Variants in PDE3B observed in about 807,000 individuals in gnomAD.
PDE3B encodes the protein cGMP-inhibited 3',5'-cyclic phosphodiesterase 3B.
PDE3B carries 66 observed loss-of-function variants against 116.8 expected under a neutral mutation model. The ratio of observed to expected loss-of-function variants is 0.56; its 90% CI spans 0.46 to 0.69. The LOEUF is 0.69. Ranked by LOEUF, PDE3B falls within the 30% of genes least tolerant of loss-of-function variation. The probability of loss-of-function intolerance (pLI) is 0.00; values close to 1 mark genes in which losing one functional copy is unlikely to be tolerated. For synonymous variants in PDE3B, 595 were observed against 533.6 expected, an observed-to-expected ratio of 1.12 and a Z score of -1.59; for missense variants, 1,384 against 1,368.1, an observed-to-expected ratio of 1.01 and a Z score of -0.18.
chr11:14,706,979 G>C (rs1205386907), intron 1 of PDE3B, among the ~76,000 whole-genome samples: 2 of 151,748 alleles, frequency 1.3e-5, no homozygotes, highest in Non-Finnish European at 2.9e-5. Flanking sequence ...CAGGTGCTGG[G>C]GATATAACAG....
In PDE3B at chr11:14,644,084, G is replaced by T; in HGVS notation, c.9G>T (p.Arg3Ser). 1.3e-6 allele frequency: 2 copies of T among 1,547,902 alleles called. No homozygotes were observed. Among genetic ancestry groups the T allele is most frequent in the East Asian group, 2.4e-5 (1 of 41,820 alleles). The change falls in exon 1 of 16, where the codon AGG becomes AGT. Residue 3 changes from arginine to serine, a missense_variant. Arg to Ser is a moderately radical substitution (Grantham distance 110). This residue lies in a region of PDE3B where 956 missense variants were observed against 806.8 expected (regional missense o/e 1.18). Transcript: ENST00000282096. MR[R>S]DERDAKAMRS... ...CACCCCCGGCCCCAGCCATGAGGAG[G>T]GACGAGCGAGACGCCAAAGCCATGC...
intron 1 of PDE3B, among the ~76,000 whole-genome samples, chr11:14,674,925 T>C (rs1414484340): frequency 1.3e-5 from 2 of 152,182 alleles, no homozygotes. Flanking sequence ...TACTAATTTT[T>C]TTATTATTTT....
intron 11 of PDE3B, 144 bp downstream of exon 11, chr11:14,835,239 T>C (rs746632306): frequency 1.3e-5 from 7 of 534,274 alleles, no homozygotes; most frequent in Non-Finnish European, 2.3e-5. Flanking sequence ...TTTTAACCAC[T>C]TATCCCCAAG....
intron 1 of PDE3B, among the ~76,000 whole-genome samples, chr11:14,719,026 A>G (rs1220260888): frequency 2.6e-5 from 3 of 117,436 alleles, no homozygotes; most frequent in South Asian, 3.4e-4. Flanking sequence ...GACTGCTAGC[A>G]AGACTAATAA....
intron 12 of PDE3B, among the ~76,000 whole-genome samples, chr11:14,858,709 G>C (rs1847892968): frequency 6.6e-6 from 1 of 152,144 alleles, no homozygotes; most frequent in Non-Finnish European, 1.5e-5. Context: ...ATCTGAGAAG[G>C]TTTTCTGATT....
At chr11:14,879,201 T>G in the PDE3B span, 1 of 1,613,308 alleles carries the variant, frequency 6.2e-7, no homozygotes, top group Non-Finnish European at 8.5e-7. Flanking sequence ...TCTGGGTCTC[T>G]CCAGTACTTT....
chr11:14,876,012 G>C (rs551646699), downstream of PDE3B, among the ~76,000 whole-genome samples: 1 of 152,102 alleles, frequency 6.6e-6, no homozygotes, highest in Admixed American at 6.6e-5. Context: ...CAGCAGTAGT[G>C]GTGTACTCAA....
chr11:14,803,440 C>T (rs905152373), intron 4 of PDE3B, among the ~76,000 whole-genome samples: 2 of 152,180 alleles, frequency 1.3e-5, no homozygotes, highest in African/African-American at 4.8e-5. Flanking sequence ...AGTGAGGTCA[C>T]TGGATCAGAA....
At chr11:14,685,159 G>A (rs373245487) in intron 1 of PDE3B, among the ~76,000 whole-genome samples, 2 of 152,222 alleles carry the variant, frequency 1.3e-5, no homozygotes, top group African/African-American at 2.4e-5. Flanking sequence ...AGTAAAGACA[G>A]GCGTAAGAAA....
At position 14,868,794 on chromosome 11, in the gene PDE3B, A is replaced by T. The variant is rs2088266; in HGVS notation, c.3140-667A>T. ...AAAATGTATTTAAAATTCTTTTTTT[A>T]AAAAAATGGCATTAGCATCTGAAGG... On this transcript the variant is annotated intron_variant, in intron 15 of 15. Transcript: ENST00000282096. Among the ~76,000 whole-genome samples the T allele has an allele frequency of 4.7e-3, 715 of 152,126 alleles. 4 individuals carry two copies. Among genetic ancestry groups the T allele is most frequent in the African/African-American group, 0.016 (652 of 41,512 alleles).
chr11:14,850,970 C>G (rs1590194030), intron 12 of PDE3B, among the ~76,000 whole-genome samples: 1 of 151,234 alleles, frequency 6.6e-6, no homozygotes, highest in African/African-American at 2.4e-5. Context: ...CTGGGACTAC[C>G]ACACCCAGCT....
Position 14,869,849 on chromosome 11 carries a change from A to C in PDE3B, c.*189A>C. On this transcript the variant is annotated 3_prime_UTR_variant, in exon 16 of 16. Transcript: ENST00000282096. ...ACTCCTATGCACTTTCACAGGAACT[A>C]GAAAACTATTCTTAAACCAAAAATA... The C allele has an allele frequency of 1.9e-6, 1 of 532,596 alleles. No individual in the cohort carries two copies. Among genetic ancestry groups the C allele is most frequent in the Non-Finnish European group, 3.3e-6 (1 of 303,790 alleles). The allele number at this position is 532,596 out of a possible 1,614,324, so 33.0% of individuals were successfully genotyped here. A position where few individuals can be genotyped will look rare whatever the true frequency, so the allele number is the denominator to read the frequency against.
rs377197404 is a variant in PDE3B, at chr11:14,844,578, C to G, written c.2520+552C>G. Among the ~76,000 whole-genome samples, 610 of 152,314 alleles carry G rather than the reference C, an allele frequency of 4.0e-3. 8 individuals are homozygous for G. Among genetic ancestry groups the G allele is most frequent in the African/African-American group, 0.014 (594 of 41,584 alleles). ...ACAAGGGGTCAGGGAGTTCCCTTTC[C>G]TAGTCAAAGAAAGGGGTGACAGACA... On this transcript the variant is annotated intron_variant, in intron 12 of 15. Coordinates refer to ENST00000282096, the MANE Select transcript of PDE3B (RefSeq NM_000922.4).
intron 5 of PDE3B, among the ~76,000 whole-genome samples, chr11:14,805,218 A>C (rs1199361287): frequency 6.6e-6 from 1 of 152,220 alleles, no homozygotes; most frequent in Non-Finnish European, 1.5e-5. Flanking sequence ...CAAATTATAA[A>C]GAAAAAGTTT....
chr11:14,887,541 T>A, the PDE3B span: 2 of 930,818 alleles, frequency 2.1e-6, no homozygotes, highest in Non-Finnish European at 2.6e-6. Flanking sequence ...ATATATTCTT[T>A]GATTTATTCA....
At chr11:14,874,375 A>G (rs1848171036), downstream of PDE3B, among the ~76,000 whole-genome samples, 1 of 152,164 alleles carries the variant, frequency 6.6e-6, no homozygotes, top group African/African-American at 2.4e-5. Context: ...AGGTGAGATA[A>G]GCCCATTTAT....
intron 12 of PDE3B, among the ~76,000 whole-genome samples, chr11:14,844,661 A>G (rs1444990438): frequency 6.6e-6 from 1 of 152,238 alleles, no homozygotes; most frequent in Non-Finnish European, 1.5e-5. Context: ...ACGGGCTTAA[A>G]AAACGGCGCA....
intron 7 of PDE3B, among the ~76,000 whole-genome samples, chr11:14,822,563 A>G (rs989458973): frequency 6.6e-6 from 1 of 152,178 alleles, no homozygotes; most frequent in Non-Finnish European, 1.5e-5. Flanking sequence ...TGCTTCTCCC[A>G]TAGGTCTTTG....
chr11:14,898,577 G>A, the PDE3B span, among the ~76,000 whole-genome samples: 3 of 152,216 alleles, frequency 2.0e-5, no homozygotes, highest in South Asian at 6.2e-4. Flanking sequence ...ATTTCCAAAA[G>A]CTATATTTTA....
Sources: gnomAD v4.1 joint callset for allele counts (sites outside exome capture counted in the v4.1 genomes callset) on GRCh38, gnomAD v4.1.1 for gene constraint, gnomAD v4.1.1 regional missense constraint, MANE v1.5 for transcripts, NCBI Gene and HGNC (gene_info 2026-07-23, HGNC 2026-07-21) for gene names.